The following TBC1D1 variants were observed in gnomAD, a reference collection of about 807,000 sequenced individuals.
TBC1D1 encodes the protein TBC1 (tre-2/USP6, BUB2, cdc16) domain family, member 1.
Under a neutral mutation model 125.6 loss-of-function variants are expected in TBC1D1, and 89 were observed. That is an observed-to-expected ratio of 0.71 (90% confidence interval 0.60 to 0.85). TBC1D1 has a LOEUF of 0.85. Ranked by LOEUF, TBC1D1 falls within the 40% of genes least tolerant of loss-of-function variation. The pLI is 0.00. For missense variants in TBC1D1, 1,377 were observed against 1,469.2 expected, an observed-to-expected ratio of 0.94 and a Z score of 1.03; for synonymous variants, 565 against 564.1, an observed-to-expected ratio of 1.00 and a Z score of -0.02.
chr4:38,053,220 A>C, intron 11 of TBC1D1: 2 of 1,512,512 alleles, frequency 1.3e-6, no homozygotes, highest in Non-Finnish European at 1.8e-6. Flanking sequence ...TTATGAACAC[A>C]AAAAGGTAGG....
rs1748144273 is a variant in TBC1D1, at chr4:38,040,480, G to GGAT, written c.1414-3881_1414-3880insATG. Reference sequence around the variant, plus strand: ...ATTTTTGTATATTTAGTAGAGACGGGGTTTCACTGTGTTGGATGGGATGTT... The same window carrying GGAT: ...ATTTTTGTATATTTAGTAGAGACGGGGATGTTTCACTGTGTTGGATGGGATGTT... On this transcript the variant is annotated intron_variant, in intron 8 of 19. Coordinates refer to ENST00000261439, the MANE Select transcript of TBC1D1 (RefSeq NM_015173.4). Among the ~76,000 whole-genome samples the GGAT allele has an allele frequency of 2.0e-5, 3 of 152,268 alleles. No homozygotes were observed. The South Asian group carries it at 6.2e-4, about 32-fold the overall frequency.
chr4:37,902,647 G>A, intron 2 of TBC1D1, 135 bp downstream of exon 2: 1 of 735,410 alleles, frequency 1.4e-6, no homozygotes, highest in Non-Finnish European at 2.1e-6. Context: ...TTACTTAGCT[G>A]AATTTTTGTT....
Position 38,110,487 on chromosome 4 carries a change from G to A in TBC1D1, c.2558-5223G>A, listed in dbSNP as rs927553606. 6.1e-6 allele frequency: 6 copies of A among 985,306 alleles called. No individual in the cohort carries two copies. The African/African-American group carries it at 1.0e-4, about 17-fold the overall frequency. The allele number at this position is 985,306 out of a possible 1,614,324, so 61.0% of individuals were successfully genotyped here. A position where few individuals can be genotyped will look rare whatever the true frequency, so the allele number is the denominator to read the frequency against. The stretch of plus-strand genomic sequence containing the variant: ...ACATCCGTTAGATGAGCAAAATTTT[G>A]TGGAGCACTTCATGAAGAGGAATTA... On this transcript the variant is annotated intron_variant, in intron 15 of 19. Coordinates refer to ENST00000261439, the MANE Select transcript of TBC1D1 (RefSeq NM_015173.4).
At chr4:37,927,053 A>G (rs1722275413) in intron 2 of TBC1D1, among the ~76,000 whole-genome samples, 1 of 152,182 alleles carries the variant, frequency 6.6e-6, no homozygotes, top group Non-Finnish European at 1.5e-5. Flanking sequence ...CAGGAGGCAG[A>G]GGTTGCATTG....
intron 2 of TBC1D1, among the ~76,000 whole-genome samples, chr4:37,923,811 C>G (rs1721523205): frequency 6.6e-6 from 1 of 151,790 alleles, no homozygotes; most frequent in African/African-American, 2.4e-5. Context: ...TCCCAAGTAG[C>G]TGGGACTACA....
intron 12 of TBC1D1, among the ~76,000 whole-genome samples, chr4:38,080,036 G>A (rs1164873171): frequency 6.6e-6 from 1 of 152,204 alleles, no homozygotes; most frequent in Non-Finnish European, 1.5e-5. Flanking sequence ...TTTGGGGTGG[G>A]ACCAAGAATT....
rs371718982 is a variant in TBC1D1 at position 38,135,064 on chromosome 4, T to C, written c.3306+1807T>C. ...GTTTTTCCATGATCCCCTACGAAAA[T>C]ATGCCTCTCATATGTAAGAATCATG... On this transcript the variant is annotated intron_variant, in intron 19 of 19. Transcript: ENST00000261439. Among the ~76,000 whole-genome samples, 11 of 152,304 alleles carry C rather than the reference T, an allele frequency of 7.2e-5. No individual in the cohort carries two copies. In the East Asian group the frequency reaches 1.9e-3, roughly 27 times the overall value.
At chr4:38,079,417 C>A (rs776239354) in intron 12 of TBC1D1, among the ~76,000 whole-genome samples, 1 of 152,172 alleles carries the variant, frequency 6.6e-6, no homozygotes, top group Non-Finnish European at 1.5e-5. Flanking sequence ...TGCGACTTGA[C>A]TGGTGTTTGA....
chr4:38,099,196 G>A (rs952825988), intron 14 of TBC1D1, among the ~76,000 whole-genome samples: 4 of 152,114 alleles, frequency 2.6e-5, no homozygotes, highest in African/African-American at 9.7e-5. Context: ...TGCTTATTGT[G>A]ACATTGTTTA....
intron 4 of TBC1D1, among the ~76,000 whole-genome samples, chr4:38,019,374 CCTTATG>C (rs890247095): frequency 6.6e-6 from 1 of 152,062 alleles, no homozygotes; most frequent in African/African-American, 2.4e-5. Flanking sequence ...TAAGTGGTAG[CCTTATG>C]CTTAACTTGC....
chr4:38,024,997 C>T (rs1222654085), intron 6 of TBC1D1, among the ~76,000 whole-genome samples: 1 of 152,198 alleles, frequency 6.6e-6, no homozygotes, highest in Non-Finnish European at 1.5e-5. Context: ...AAGTGCAGCT[C>T]TACCCAGTTC....
chr4:37,938,302 C>T (rs1012499449), intron 2 of TBC1D1, among the ~76,000 whole-genome samples: 2 of 152,130 alleles, frequency 1.3e-5, no homozygotes, highest in African/African-American at 4.8e-5. Flanking sequence ...AAATAAGGTT[C>T]TAGAACTAAC....
At chr4:37,923,683 T>C (rs1228610601) in intron 2 of TBC1D1, among the ~76,000 whole-genome samples, 1 of 150,078 alleles carries the variant, frequency 6.7e-6, no homozygotes, top group Non-Finnish European at 1.5e-5. Context: ...ACCCCATTTT[T>C]TTTTTTTTTT....
At chr4:38,025,000 C>T (rs1353331966) in intron 6 of TBC1D1, among the ~76,000 whole-genome samples, 1 of 152,160 alleles carries the variant, frequency 6.6e-6, no homozygotes, top group Non-Finnish European at 1.5e-5. Flanking sequence ...TGCAGCTCTA[C>T]CCAGTTCTGT....
chr4:38,111,817 G>A (rs1036495073), intron 15 of TBC1D1: 10 of 394,852 alleles, frequency 2.5e-5, no homozygotes, highest in East Asian at 3.2e-4. Flanking sequence ...ATAGAATTTC[G>A]TGTAAAACGT....
intron 1 of TBC1D1, among the ~76,000 whole-genome samples, chr4:37,897,619 A>G (rs985964346): frequency 6.6e-6 from 1 of 152,240 alleles, no homozygotes; most frequent in Non-Finnish European, 1.5e-5. Context: ...GGTACTGTGT[A>G]CATCTATACT....
chr4:37,940,363 G>T (rs146195809), intron 2 of TBC1D1, among the ~76,000 whole-genome samples: 13,222 of 152,064 alleles, frequency 0.087, 800 homozygotes, highest in Admixed American at 0.18. Flanking sequence ...TGATTTTTGC[G>T]CATTGATTTT....
chr4:38,137,352 A>G lies in TBC1D1; in HGVS notation c.*17A>G. On this transcript the variant is annotated 3_prime_UTR_variant, in exon 20 of 20. Coordinates refer to ENST00000261439, the MANE Select transcript of TBC1D1 (RefSeq NM_015173.4). Reference sequence around the variant, plus strand: ...GGCGACTGACAGCTCTGCAGGAGAGATTGCAACACCATCCCACACTGTCCA... The same window carrying G: ...GGCGACTGACAGCTCTGCAGGAGAGGTTGCAACACCATCCCACACTGTCCA... 1.9e-6 allele frequency: 3 copies of G among 1,606,756 alleles called. No individual in the cohort carries two copies. The highest frequency in any genetic ancestry group is 2.5e-6 in the Non-Finnish European group (3 of 1,178,494).
At chr4:38,130,366 A>C (rs557755550) in intron 18 of TBC1D1, among the ~76,000 whole-genome samples, 146 of 152,364 alleles carry the variant, frequency 9.6e-4, no homozygotes, top group African/African-American at 3.1e-3. Context: ...CCAATAATGT[A>C]GCTCTATTGC....
Sources: gnomAD v4.1 joint callset for allele counts (sites outside exome capture counted in the v4.1 genomes callset) on GRCh38, gnomAD v4.1.1 for gene constraint, MANE v1.5 for transcripts, NCBI Gene and HGNC (gene_info 2026-07-23, HGNC 2026-07-21) for gene names.